Variants in RPP40 observed in about 807,000 individuals in gnomAD.
The protein encoded by RPP40 is ribonuclease P protein subunit p40.
RPP40 carries 30 observed loss-of-function variants against 42.5 expected under a neutral mutation model. The observed-to-expected ratio is 0.71, with a 90% confidence interval of 0.53 to 0.96. The LOEUF is 0.96. Ranked by LOEUF, RPP40 falls within the 40% of genes least tolerant of loss-of-function variation. The probability of loss-of-function intolerance (pLI) is 0.00; values close to 1 mark genes in which losing one functional copy is unlikely to be tolerated. For synonymous variants in RPP40, 173 were observed against 164.0 expected, an observed-to-expected ratio of 1.05 and a Z score of -0.42; for missense variants, 426 against 433.5, an observed-to-expected ratio of 0.98 and a Z score of 0.15.
downstream of RPP40, among the ~76,000 whole-genome samples, chr6:4,994,270 G>T (rs573793289): frequency 6.0e-5 from 9 of 149,012 alleles, no homozygotes; most frequent in East Asian, 2.0e-4. Flanking sequence ...GGGGGAGGGA[G>T]AGCATTAGGA....
Position 4,995,175 on chromosome 6 carries a change from C to G in RPP40, c.995G>C (p.Arg332Pro). Reference protein sequence around the residue: ...VSWEKNEHGFRKGGEHLYNFV... With the variant: ...VSWEKNEHGFPKGGEHLYNFV... ...GTTATATAAATGTTCTCCTCCTTTT[C>G]GAAAACCATGTTCATTTTTTTCCCA... is the stretch of plus-strand genomic sequence containing the variant. Residue 332 changes from arginine (R) to proline (P), a missense_variant, in exon 8 of 8, where the codon CGA becomes CCA. By Grantham distance (103) the Arg-to-Pro change is moderately radical. Coordinates refer to ENST00000380051, the MANE Select transcript of RPP40 (RefSeq NM_006638.4). The G allele has an allele frequency of 6.2e-7, 1 of 1,614,032 alleles. No individual in the cohort carries two copies. The highest frequency in any genetic ancestry group is 8.5e-7 in the Non-Finnish European group (1 of 1,179,916).
Position 5,000,545 on chromosome 6 carries a change from G to A in RPP40, c.337+18C>T, listed in dbSNP as rs7744457. 352,088 of 1,122,264 alleles carry A rather than the reference G, an allele frequency of 0.31. 51,247 individuals are homozygous for A. The highest frequency in any genetic ancestry group is 0.53 in the African/African-American group (33,721 of 63,766). 69.5% of individuals were successfully genotyped at this position (1,122,264 alleles called of 1,614,324 possible). On this transcript the variant is annotated intron_variant, in intron 3 of 7. Coordinates refer to ENST00000380051, the MANE Select transcript of RPP40 (RefSeq NM_006638.4). ...TTTTTTTTAACAATTAAAGAAAGAT[G>A]AAAAAATAAAGTGTTACCATTTGGT...
intron 4 of RPP40, 27 bp from the exon 5 acceptor site, chr6:4,998,868 ATTTCATTCATATACGTACAGCT>A (rs780961087): frequency 2.3e-6 from 3 of 1,331,368 alleles, no homozygotes; most frequent in Non-Finnish European, 3.1e-6. Flanking sequence ...AAGAACATAT[ATTTCATTCATATACGTACAGCT>A]TCTACCATGG....
At chr6:4,995,687 A>T (rs1759354296) in intron 7 of RPP40, among the ~76,000 whole-genome samples, 1 of 152,242 alleles carries the variant, frequency 6.6e-6, no homozygotes, top group African/African-American at 2.4e-5. Context: ...TCAAAGTACT[A>T]AACCAATAAA....
intron 1 of RPP40, chr6:5,003,474 G>C (rs546059072): frequency 6.1e-6 from 1 of 164,494 alleles, no homozygotes; most frequent in South Asian, 1.7e-4. Context: ...CAGTGGTGGG[G>C]AGGAGGCGCG....
intron 1 of RPP40, among the ~76,000 whole-genome samples, chr6:5,003,358 A>AAAAAG (rs1561748513): frequency 1.3e-5 from 2 of 149,820 alleles, no homozygotes; most frequent in African/African-American, 4.9e-5. Context: ...AAAAAAAAAA[A>AAAAAG]AAAAAAAAAG....
At chr6:4,998,484 A>G (rs1759448179) in intron 5 of RPP40, among the ~76,000 whole-genome samples, 1 of 152,224 alleles carries the variant, frequency 6.6e-6, no homozygotes, top group Non-Finnish European at 1.5e-5. Context: ...AGATCTCTGG[A>G]TCTACATATA....
rs1160392819 is a variant in RPP40, at chr6:4,998,897, A to G, written c.434-56T>C. Reference sequence around the variant, plus strand: ...CATTCATATACGTACAGCTTCTACCATGGAAAAAGTGTTACATTTTTAAAA... The same window carrying G: ...CATTCATATACGTACAGCTTCTACCGTGGAAAAAGTGTTACATTTTTAAAA... On this transcript the variant is annotated intron_variant, in intron 4 of 7. Transcript: ENST00000380051. 8.1e-6 allele frequency: 9 copies of G among 1,110,678 alleles called. No individual in the cohort carries two copies. The East Asian group carries it at 2.6e-4, about 32-fold the overall frequency. 68.8% of individuals were successfully genotyped at this position (1,110,678 alleles called of 1,614,324 possible).
the RPP40 span, among the ~76,000 whole-genome samples, chr6:4,989,529 A>C: frequency 1.3e-5 from 2 of 152,306 alleles, no homozygotes; most frequent in South Asian, 2.1e-4. Flanking sequence ...TATTTTGGGA[A>C]TATGACATGA....
rs1469650464 is a variant in RPP40 at position 4,994,940 on chromosome 6, C to G, written c.*138G>C. 4.1e-6 allele frequency: 3 copies of G among 727,824 alleles called. No homozygotes were observed. The highest frequency in any genetic ancestry group is 6.7e-6 in the Non-Finnish European group (3 of 449,308). 45.1% of individuals were successfully genotyped at this position (727,824 alleles called of 1,614,324 possible). A position where few individuals can be genotyped will look rare whatever the true frequency, so the allele number is the denominator to read the frequency against. ...TGCCATCACAGATGGGTCTCAGGTG[C>G]AGGGCAGGATGCCAGCAAATGCTGA... On this transcript the variant is annotated 3_prime_UTR_variant, in exon 8 of 8. Coordinates refer to ENST00000380051, the MANE Select transcript of RPP40 (RefSeq NM_006638.4).
chr6:5,000,746 C>A, intron 2 of RPP40, 115 bp from the exon 3 acceptor site: 1 of 704,334 alleles, frequency 1.4e-6, no homozygotes, highest in Non-Finnish European at 2.5e-6. Context: ...TCAGTTTCTA[C>A]CCCTGCTCCA....
At chr6:4,997,203 G>A (rs1317590607) in intron 5 of RPP40, among the ~76,000 whole-genome samples, 1 of 152,192 alleles carries the variant, frequency 6.6e-6, no homozygotes, top group Non-Finnish European at 1.5e-5. Flanking sequence ...CTAGATGGCT[G>A]GTAAAGCATT....
intron 5 of RPP40, among the ~76,000 whole-genome samples, 194 bp downstream of exon 5, chr6:4,998,522 T>C (rs899475059): frequency 2.0e-5 from 3 of 152,234 alleles, no homozygotes; most frequent in Non-Finnish European, 4.4e-5. Context: ...CAGAAAGGCC[T>C]GCGTGCCTAC....
At chr6:5,003,010 GAA>G (rs746985265) in intron 1 of RPP40, among the ~76,000 whole-genome samples, 1 of 152,124 alleles carries the variant, frequency 6.6e-6, no homozygotes, top group Non-Finnish European at 1.5e-5. Context: ...TTAGTTTCTT[GAA>G]GTCTCTCAGA....
chr6:5,001,088 C>T (rs1203265002), intron 2 of RPP40: 3 of 456,864 alleles, frequency 6.6e-6, no homozygotes, highest in South Asian at 1.5e-5. Context: ...CAGAACGGAA[C>T]GTGACCTTTG....
At position 5,003,891 on chromosome 6, in the gene RPP40, A is replaced by G. The variant is rs1245021779; in HGVS notation, c.112T>C (p.Tyr38His). ...RHRHLVQTHYYNYRVSFLIPE... is the reference protein window; with the variant it reads ...RHRHLVQTHYHNYRVSFLIPE... ...ACAGCCGGACTCACCCTGTAGTTAT[A>G]GTAGTGCGTCTGCACAAGATGCCGG... is the stretch of plus-strand genomic sequence containing the variant. The change falls in exon 1 of 8, where the codon TAT becomes CAT. Residue 38 changes from tyrosine to histidine, a missense_variant. Transcript: ENST00000380051. The G allele has an allele frequency of 3.7e-6, 6 of 1,613,474 alleles. No homozygotes were observed. The highest frequency in any genetic ancestry group is 5.1e-6 in the Non-Finnish European group (6 of 1,179,584).
chr6:4,995,189 A>AT lies in RPP40; in HGVS notation c.980dup (p.Asn327LysfsTer2), dbSNP rs1172233328. 1 of 1,614,002 alleles carries AT rather than the reference A, an allele frequency of 6.2e-7. No homozygotes were observed. The highest frequency in any genetic ancestry group is 1.7e-5 in the Admixed American group (1 of 60,010). On this transcript the variant is annotated frameshift_variant, in exon 8 of 8. Coordinates refer to ENST00000380051, the MANE Select transcript of RPP40 (RefSeq NM_006638.4). LOFTEE classifies it high-confidence loss of function. ...CTCCTCCTTTTCGAAAACCATGTTCATTTTTTTCCCAAGAAACAGGGCTGT... is the reference window on the plus strand; with the variant it reads ...CTCCTCCTTTTCGAAAACCATGTTCATTTTTTTTCCCAAGAAACAGGGCTGT...
At chr6:4,998,355 G>A (rs973247009) in intron 5 of RPP40, among the ~76,000 whole-genome samples, 8 of 152,180 alleles carry the variant, frequency 5.3e-5, no homozygotes, top group Admixed American at 5.2e-4. Context: ...TAATAAATAA[G>A]CAGATTGTGT....
chr6:4,993,771 C>T (rs1042850085), downstream of RPP40, among the ~76,000 whole-genome samples: 1 of 152,018 alleles, frequency 6.6e-6, no homozygotes, highest in African/African-American at 2.4e-5. Flanking sequence ...AGATGTTTTC[C>T]CCCAGGACAG....
Sources: gnomAD v4.1 joint callset for allele counts (sites outside exome capture counted in the v4.1 genomes callset) on GRCh38, gnomAD v4.1.1 for gene constraint, MANE v1.5 for transcripts, NCBI Gene and HGNC (gene_info 2026-07-23, HGNC 2026-07-21) for gene names.